Variants in NELL1 observed in about 807,000 individuals in gnomAD.
The protein encoded by NELL1 is neural EGFL like 1.
NELL1 carries 76 observed loss-of-function variants against 107.4 expected under a neutral mutation model. The observed-to-expected ratio is 0.71, with a 90% CI of 0.59 to 0.86. The LOEUF is 0.86. Ranked by LOEUF, NELL1 falls within the 40% of genes least tolerant of loss-of-function variation. The pLI is 0.00. For missense variants in NELL1, 1,024 were observed against 1,005.5 expected (o/e 1.02, Z -0.25); for synonymous variants, 353 against 341.2 (o/e 1.03, Z -0.38).
intron 16 of NELL1, among the ~76,000 whole-genome samples, chr11:21,556,593 T>C (rs1426173708): frequency 6.6e-6 from 1 of 151,924 alleles, no homozygotes; most frequent in Non-Finnish European, 1.5e-5. Flanking sequence ...CATGCCCAAG[T>C]AACCTAAAAA....
At chr11:21,284,330 G>A (rs554088128) in intron 14 of NELL1, 7 of 457,300 alleles carry the variant, frequency 1.5e-5, no homozygotes, top group South Asian at 6.2e-5. Flanking sequence ...GCATGAGAGT[G>A]TGAAAGGAGT....
At chr11:21,520,204 A>G (rs957084791) in intron 15 of NELL1, among the ~76,000 whole-genome samples, 1 of 152,194 alleles carries the variant, frequency 6.6e-6, no homozygotes, top group African/African-American at 2.4e-5. Context: ...TTGTCTCACC[A>G]GAATTCAGTT....
chr11:21,454,311 C>A (rs1387114544), intron 15 of NELL1, among the ~76,000 whole-genome samples: 1 of 150,886 alleles, frequency 6.6e-6, no homozygotes, highest in Non-Finnish European at 1.5e-5. Flanking sequence ...GCCACATTTT[C>A]TTAATCCAGT....
intron 13 of NELL1, among the ~76,000 whole-genome samples, chr11:21,213,220 T>C (rs561797008): frequency 5.3e-5 from 8 of 151,958 alleles, no homozygotes; most frequent in African/African-American, 1.9e-4. Flanking sequence ...ATGGAAGGAA[T>C]AAAATATTAT....
chr11:21,049,833 A>C (rs1197947478), intron 12 of NELL1, among the ~76,000 whole-genome samples: 1 of 151,574 alleles, frequency 6.6e-6, no homozygotes, highest in Non-Finnish European at 1.5e-5. Context: ...GCATGCCACC[A>C]CTCCTGGCTA....
intron 13 of NELL1, among the ~76,000 whole-genome samples, chr11:21,164,364 T>C (rs1314464598): frequency 6.6e-6 from 1 of 152,198 alleles, no homozygotes; most frequent in Non-Finnish European, 1.5e-5. Flanking sequence ...GTTAGTGGAA[T>C]ACCAGGACAA....
intron 15 of NELL1, among the ~76,000 whole-genome samples, chr11:21,420,535 T>G (rs1852639396): frequency 6.6e-6 from 1 of 152,086 alleles, no homozygotes; most frequent in Non-Finnish European, 1.5e-5. Flanking sequence ...AGAAAGAAAC[T>G]TGGAAAGACC....
intron 12 of NELL1, among the ~76,000 whole-genome samples, chr11:21,094,768 GCTGCACATAGCACGAAGACC>G (rs915171379): frequency 2.0e-5 from 3 of 152,158 alleles, no homozygotes; most frequent in Non-Finnish European, 4.4e-5. Context: ...AAGTCCCTAG[GCTGCACATAGCACGAAGACC>G]CTGGGCCTGG....
At chr11:21,297,847 A>G (rs970768325) in intron 14 of NELL1, among the ~76,000 whole-genome samples, 1 of 151,874 alleles carries the variant, frequency 6.6e-6, no homozygotes, top group African/African-American at 2.4e-5. Flanking sequence ...CTCCAGAGTA[A>G]CTCCTGTCTC....
intron 13 of NELL1, among the ~76,000 whole-genome samples, chr11:21,126,159 G>A (rs779466224): frequency 2.2e-4 from 34 of 152,110 alleles, no homozygotes; most frequent in Admixed American, 4.6e-4. Flanking sequence ...TAACTCCATA[G>A]GCTCAAAGAT....
chr11:20,812,254 G>A (rs897970775), intron 3 of NELL1, among the ~76,000 whole-genome samples: 14 of 152,022 alleles, frequency 9.2e-5, no homozygotes, highest in Non-Finnish European at 1.3e-4. Context: ...TGTTTCACAT[G>A]GTGAACCATC....
At chr11:21,561,638 G>T (rs1856852036) in intron 17 of NELL1, among the ~76,000 whole-genome samples, 1 of 152,086 alleles carries the variant, frequency 6.6e-6, no homozygotes, top group Non-Finnish European at 1.5e-5. Flanking sequence ...TTTCCATCTT[G>T]TCAGATGTCT....
chr11:20,865,773 C>G (rs1198597951), intron 4 of NELL1, among the ~76,000 whole-genome samples: 2 of 152,112 alleles, frequency 1.3e-5, no homozygotes, highest in Non-Finnish European at 2.9e-5. Flanking sequence ...CTGTGAGGTG[C>G]CACCATCCCT....
chr11:20,970,100 C>T (rs1851469222), intron 12 of NELL1, among the ~76,000 whole-genome samples: 1 of 147,560 alleles, frequency 6.8e-6, no homozygotes, highest in South Asian at 2.1e-4. Context: ...TCCATCCGTA[C>T]TCTGAACATA....
At chr11:20,756,129 C>G (rs1187079640) in intron 2 of NELL1, among the ~76,000 whole-genome samples, 1 of 151,896 alleles carries the variant, frequency 6.6e-6, no homozygotes, top group Non-Finnish European at 1.5e-5. Flanking sequence ...ATCCGCCTGC[C>G]TCGGCCCCCC....
chr11:20,775,442 T>C (rs1334736871), intron 2 of NELL1, among the ~76,000 whole-genome samples: 1 of 151,500 alleles, frequency 6.6e-6, no homozygotes, highest in Non-Finnish European at 1.5e-5. Context: ...TTCTTGACTA[T>C]ATAATGCACT....
At chr11:21,384,633 T>A (rs1048445075) in intron 15 of NELL1, among the ~76,000 whole-genome samples, 1 of 151,922 alleles carries the variant, frequency 6.6e-6, no homozygotes, top group African/African-American at 2.4e-5. Context: ...AGTGTGATGT[T>A]CCCCTTCCTG....
chr11:21,356,677 G>C (rs780863399), intron 14 of NELL1, among the ~76,000 whole-genome samples: 3 of 152,084 alleles, frequency 2.0e-5, no homozygotes, highest in Non-Finnish European at 4.4e-5. Flanking sequence ...TATTAAAATA[G>C]TTTTTGGGGA....
At chr11:20,967,230 C>A (rs559187212) in intron 12 of NELL1, among the ~76,000 whole-genome samples, 1 of 152,032 alleles carries the variant, frequency 6.6e-6, no homozygotes, top group Non-Finnish European at 1.5e-5. Flanking sequence ...TGTGAATGAA[C>A]TTCTGTGGAA....
Sources: gnomAD v4.1 joint callset for allele counts (sites outside exome capture counted in the v4.1 genomes callset) on GRCh38, gnomAD v4.1.1 for gene constraint, MANE v1.5 for transcripts, NCBI Gene and HGNC (gene_info 2026-07-23, HGNC 2026-07-21) for gene names.